The following SLX4IP variants were observed in gnomAD, a reference collection of about 807,000 sequenced individuals.
The protein encoded by SLX4IP is protein SLX4IP.
SLX4IP carries 34 observed loss-of-function variants against 32.9 expected under a neutral mutation model. The observed-to-expected ratio is 1.03, with a 90% CI of 0.79 to 1.38. The LOEUF (loss-of-function observed/expected upper bound fraction) is 1.38, where lower values mean the gene tolerates loss of function less well. Ranked by LOEUF, SLX4IP falls within the 40% of genes most tolerant of loss-of-function variation. SLX4IP has a pLI of 0.00. For missense variants in SLX4IP, 444 were observed against 479.0 expected, an observed-to-expected ratio of 0.93 and a Z score of 0.68; for synonymous variants, 172 against 171.7, an observed-to-expected ratio of 1.00 and a Z score of -0.01.
chr20:10,452,664 CAAAAA>C (rs71332999), intron 1 of SLX4IP, among the ~76,000 whole-genome samples: 2 of 117,926 alleles, frequency 1.7e-5, no homozygotes, highest in African/African-American at 3.2e-5. Context: ...GAAACTGTCT[CAAAAA>C]AAAAAAAAAA....
chr20:10,613,898 C>A (rs1436608297), intron 6 of SLX4IP: 2 of 1,481,526 alleles, frequency 1.3e-6, no homozygotes, highest in African/African-American at 1.4e-5. Context: ...CTAAAGATAT[C>A]TTTTTAAAGA....
At chr20:10,565,227 G>C (rs2066378231) in intron 4 of SLX4IP, among the ~76,000 whole-genome samples, 1 of 152,142 alleles carries the variant, frequency 6.6e-6, no homozygotes, top group African/African-American at 2.4e-5. Context: ...TTAGTTGCCT[G>C]ACATTCTTTA....
At chr20:10,531,969 A>C (rs1273805508) in intron 2 of SLX4IP, among the ~76,000 whole-genome samples, 1 of 152,188 alleles carries the variant, frequency 6.6e-6, no homozygotes, top group Non-Finnish European at 1.5e-5. Context: ...ATCACTACAC[A>C]TGCCCTGCTT....
At chr20:10,505,458 T>C (rs1174406827) in intron 2 of SLX4IP, among the ~76,000 whole-genome samples, 2 of 152,206 alleles carry the variant, frequency 1.3e-5, no homozygotes, top group South Asian at 2.1e-4. Flanking sequence ...ACAGGGCATG[T>C]CTTCTTTAGC....
At chr20:10,560,882 G>A (rs192540899) in intron 4 of SLX4IP, 62 bp downstream of exon 4, 54 of 1,433,572 alleles carry the variant, frequency 3.8e-5, no homozygotes, top group Non-Finnish European at 4.5e-5. Context: ...CCGTAGAGAT[G>A]GCAATTATGT....
At chr20:10,453,726 C>G (rs780717570) in intron 1 of SLX4IP, among the ~76,000 whole-genome samples, 1 of 137,016 alleles carries the variant, frequency 7.3e-6, no homozygotes, top group Non-Finnish European at 1.6e-5. Flanking sequence ...CTACTACCCC[C>G]CAACGCACTT....
intron 2 of SLX4IP, among the ~76,000 whole-genome samples, chr20:10,539,482 T>G (rs1473993291): frequency 6.6e-6 from 1 of 151,866 alleles, no homozygotes; most frequent in Non-Finnish European, 1.5e-5. Flanking sequence ...AAGAAGCTCA[T>G]TATATTTTGG....
rs563681325 is a variant in SLX4IP at position 10,626,644 on chromosome 20, A to G, written c.*3265A>G. 3 of 152,298 alleles carry G rather than the reference A, an allele frequency of 2.0e-5. No individual in the cohort carries two copies. The highest frequency in any genetic ancestry group is 2.9e-5 in the Non-Finnish European group (2 of 68,022). 9.4% of individuals were successfully genotyped at this position (152,298 alleles called of 1,614,324 possible). On this transcript the variant is annotated 3_prime_UTR_variant, in exon 8 of 8. Coordinates refer to ENST00000334534, the MANE Select transcript of SLX4IP (RefSeq NM_001009608.3). Reference sequence around the variant, plus strand: ...CAAGAAAGGTCTGGGAACAATCTGTATGATTTTTCTTTCACATTTTCTTAT... The same window carrying G: ...CAAGAAAGGTCTGGGAACAATCTGTGTGATTTTTCTTTCACATTTTCTTAT...
intron 2 of SLX4IP, among the ~76,000 whole-genome samples, chr20:10,539,155 G>A (rs2066077347): frequency 6.6e-6 from 1 of 152,154 alleles, no homozygotes; most frequent in South Asian, 2.1e-4. Context: ...AGGTGATGAA[G>A]GAAGGGTACA....
intron 2 of SLX4IP, among the ~76,000 whole-genome samples, chr20:10,508,628 C>A (rs1568714987): frequency 6.6e-6 from 1 of 152,114 alleles, no homozygotes; most frequent in Non-Finnish European, 1.5e-5. Context: ...CAGTACATGG[C>A]CCAGACTGCT....
intron 4 of SLX4IP, among the ~76,000 whole-genome samples, chr20:10,586,633 GA>G (rs1294493371): frequency 2.0e-5 from 3 of 150,724 alleles, no homozygotes; most frequent in Non-Finnish European, 4.4e-5. Context: ...GATAAAGAGG[GA>G]AAAAAAGATG....
At chr20:10,567,420 T>C (rs1354016742) in intron 4 of SLX4IP, among the ~76,000 whole-genome samples, 4 of 152,130 alleles carry the variant, frequency 2.6e-5, no homozygotes, top group Non-Finnish European at 5.9e-5. Flanking sequence ...CCTTCTGCCG[T>C]GTGAGGATAC....
chr20:10,496,829 T>G (rs2065672355), intron 2 of SLX4IP, among the ~76,000 whole-genome samples: 1 of 152,154 alleles, frequency 6.6e-6, no homozygotes, highest in African/African-American at 2.4e-5. Context: ...GGGCTTGGGG[T>G]CATATCATCT....
intron 6 of SLX4IP, among the ~76,000 whole-genome samples, chr20:10,619,089 C>T (rs2067074500): frequency 6.6e-6 from 1 of 152,092 alleles, no homozygotes; most frequent in Admixed American, 6.5e-5. Flanking sequence ...TTTTTCCTGC[C>T]CACCCAGTCT....
intron 2 of SLX4IP, among the ~76,000 whole-genome samples, chr20:10,472,179 T>C (rs985108731): frequency 2.0e-5 from 3 of 152,172 alleles, no homozygotes; most frequent in Non-Finnish European, 4.4e-5. Flanking sequence ...AAATGAGATG[T>C]TGAATTAGGG....
intron 2 of SLX4IP, among the ~76,000 whole-genome samples, chr20:10,479,779 G>A (rs1260480817): frequency 1.3e-5 from 2 of 149,278 alleles, no homozygotes; most frequent in African/African-American, 4.9e-5. Flanking sequence ...GCTGAGGCAG[G>A]TGGATTACAA....
intron 2 of SLX4IP, among the ~76,000 whole-genome samples, chr20:10,551,878 TGGA>T (rs2066221507): frequency 6.6e-6 from 1 of 151,980 alleles, no homozygotes; most frequent in Non-Finnish European, 1.5e-5. Context: ...GCAGCAGGAG[TGGA>T]CTGATCCGAT....
intron 4 of SLX4IP, among the ~76,000 whole-genome samples, chr20:10,585,881 G>T (rs996240965): frequency 2.6e-5 from 4 of 152,026 alleles, no homozygotes; most frequent in African/African-American, 9.7e-5. Context: ...ATGAGCCACC[G>T]TGCCCAGCCA....
At chr20:10,608,084 G>A (rs917841545) in intron 6 of SLX4IP, among the ~76,000 whole-genome samples, 3 of 152,156 alleles carry the variant, frequency 2.0e-5, no homozygotes, top group African/African-American at 7.2e-5. Flanking sequence ...TTCTCATAGT[G>A]TATCTTTGCC....
Sources: allele counts gnomAD v4.1 joint callset (sites outside exome capture counted in the v4.1 genomes callset), GRCh38; gene constraint gnomAD v4.1.1; transcripts MANE v1.5; gene names NCBI Gene and HGNC (gene_info 2026-07-23, HGNC 2026-07-21).